The following AGBL1 variants were observed in gnomAD, a reference collection of about 807,000 sequenced individuals.
The protein encoded by AGBL1 is AGBL carboxypeptidase 1, also known as cytosolic carboxypeptidase 4.
Under a neutral mutation model 118.9 loss-of-function variants are expected in AGBL1, and 130 were observed. The observed-to-expected ratio is 1.09, with a 90% CI of 0.95 to 1.26. AGBL1 has a LOEUF of 1.26. Among genes scored for constraint, AGBL1 ranks in the 50% most tolerant of loss-of-function variants. AGBL1 has a pLI of 0.00. For synonymous variants in AGBL1, 555 were observed against 478.9 expected (o/e 1.16, Z -2.08); for missense variants, 1,584 against 1,298.1 (o/e 1.22, Z -3.38).
chr15:86,747,813 A>C (rs1018894284), intron 22 of AGBL1, among the ~76,000 whole-genome samples: 3 of 152,164 alleles, frequency 2.0e-5, no homozygotes, highest in Non-Finnish European at 4.4e-5. Flanking sequence ...TGAACTCATC[A>C]TTTTTTATGG....
intron 22 of AGBL1, among the ~76,000 whole-genome samples, chr15:86,733,228 G>A (rs1292358288): frequency 6.6e-6 from 1 of 152,032 alleles, no homozygotes; most frequent in Non-Finnish European, 1.5e-5. Flanking sequence ...TGAGAACTGG[G>A]GATAAGGGGT....
At chr15:86,762,033 C>A (rs2078032352) in intron 22 of AGBL1, among the ~76,000 whole-genome samples, 1 of 151,946 alleles carries the variant, frequency 6.6e-6, no homozygotes, top group South Asian at 2.1e-4. Flanking sequence ...GAATACTATG[C>A]AGCCATAAAA....
At chr15:86,251,940 C>G (rs1480391080) in intron 7 of AGBL1, among the ~76,000 whole-genome samples, 3 of 152,172 alleles carry the variant, frequency 2.0e-5, no homozygotes, top group Non-Finnish European at 4.4e-5. Flanking sequence ...AAAAGAACCA[C>G]TCTTTGGAGC....
At chr15:86,500,583 G>T (rs1472220290) in intron 18 of AGBL1, among the ~76,000 whole-genome samples, 2 of 142,448 alleles carry the variant, frequency 1.4e-5, no homozygotes, top group Non-Finnish European at 3.1e-5. Flanking sequence ...TTCACAAATT[G>T]GTACAACCAC....
chr15:86,592,409 A>G (rs2084349878), intron 21 of AGBL1, among the ~76,000 whole-genome samples: 1 of 152,240 alleles, frequency 6.6e-6, no homozygotes, highest in Admixed American at 6.5e-5. Flanking sequence ...TGAAATGAAG[A>G]AGGCCAAGCA....
At chr15:86,823,205 A>G (rs1041391933) in intron 22 of AGBL1, among the ~76,000 whole-genome samples, 3 of 150,664 alleles carry the variant, frequency 2.0e-5, no homozygotes, top group Non-Finnish European at 4.5e-5. Flanking sequence ...CACAGACTCT[A>G]TTGTAATGGA....
intron 18 of AGBL1, among the ~76,000 whole-genome samples, chr15:86,425,048 C>T (rs1277314578): frequency 6.6e-6 from 1 of 152,102 alleles, no homozygotes; most frequent in Non-Finnish European, 1.5e-5. Flanking sequence ...GGGTATATAC[C>T]CAAATGATTA....
intron 6 of AGBL1, among the ~76,000 whole-genome samples, chr15:86,234,024 T>C (rs1408583733): frequency 1.3e-5 from 2 of 152,164 alleles, no homozygotes; most frequent in Non-Finnish European, 2.9e-5. Context: ...TATTGTTGGG[T>C]TGTGATTGCC....
chr15:86,690,923 A>G lies in AGBL1; in HGVS notation c.3158+16487A>G, dbSNP rs1016238399. Among the ~76,000 whole-genome samples, 6 of 152,164 alleles carry G rather than the reference A, an allele frequency of 3.9e-5. No individual in the cohort carries two copies. In the East Asian group the frequency reaches 9.6e-4, roughly 24 times the overall value. ...TCTAATTTATTTATTTATGAATTCT[A>G]TTGTTCATAATTGTATTATTAATCA... On this transcript the variant is annotated intron_variant, in intron 22 of 22. Transcript: ENST00000614907.
chr15:86,818,456 T>A (rs2078895930), intron 22 of AGBL1, among the ~76,000 whole-genome samples: 1 of 152,212 alleles, frequency 6.6e-6, no homozygotes. Flanking sequence ...ATCTAATGCC[T>A]AATGCCTAAT....
At chr15:86,916,838 G>T (rs1205697253), downstream of AGBL1, among the ~76,000 whole-genome samples, 1 of 152,190 alleles carries the variant, frequency 6.6e-6, no homozygotes, top group East Asian at 1.9e-4. Flanking sequence ...TCACACTAGC[G>T]TTCTGTCTCT....
intron 5 of AGBL1, among the ~76,000 whole-genome samples, chr15:86,160,827 G>A (rs187760808): frequency 3.9e-5 from 6 of 152,212 alleles, no homozygotes; most frequent in Admixed American, 3.3e-4. Context: ...TTGTTTGGAA[G>A]GCTCCCCTAG....
chr15:86,379,122 A>T, intron 17 of AGBL1, among the ~76,000 whole-genome samples: 1 of 152,002 alleles, frequency 6.6e-6, no homozygotes, highest in Non-Finnish European at 1.5e-5. Context: ...CGTGTTGGTC[A>T]GGCTGGTCTT....
chr15:86,608,606 C>T (rs530014820), intron 21 of AGBL1, among the ~76,000 whole-genome samples: 2 of 152,166 alleles, frequency 1.3e-5, no homozygotes, highest in South Asian at 2.1e-4. Flanking sequence ...CCACTATATA[C>T]GACATGATGC....
At chr15:86,349,394 A>T (rs771800323) in intron 17 of AGBL1, among the ~76,000 whole-genome samples, 1 of 152,204 alleles carries the variant, frequency 6.6e-6, no homozygotes, top group Admixed American at 6.5e-5. Flanking sequence ...CCTGCTATAG[A>T]TCTTAAGTCT....
chr15:86,543,006 A>C (rs1274598214), intron 19 of AGBL1, among the ~76,000 whole-genome samples: 1 of 152,156 alleles, frequency 6.6e-6, no homozygotes, highest in African/African-American at 2.4e-5. Context: ...TGTTTTGACC[A>C]TTTACAATAA....
intron 22 of AGBL1, among the ~76,000 whole-genome samples, chr15:86,676,090 G>A (rs1327633888): frequency 6.6e-6 from 1 of 152,162 alleles, no homozygotes; most frequent in Non-Finnish European, 1.5e-5. Context: ...TGACCAAGGG[G>A]ATTGAAGCTA....
chr15:86,966,262 G>T (rs1311701968), intron 23 of AGBL1, among the ~76,000 whole-genome samples: 1 of 149,612 alleles, frequency 6.7e-6, no homozygotes, highest in East Asian at 2.0e-4. Flanking sequence ...GAATTTAGGT[G>T]TGGGATTGAA....
intron 21 of AGBL1, among the ~76,000 whole-genome samples, chr15:86,602,682 T>C (rs12909713): frequency 0.38 from 58,436 of 152,042 alleles, 11,930 homozygotes; most frequent in Middle Eastern, 0.48. Context: ...AATGGGTTGT[T>C]TCTATTTTAT....
Sources: allele counts gnomAD v4.1 joint callset (sites outside exome capture counted in the v4.1 genomes callset), GRCh38; gene constraint gnomAD v4.1.1; transcripts MANE v1.5; gene names NCBI Gene and HGNC (gene_info 2026-07-23, HGNC 2026-07-21).